Variants in NAALADL2 observed in about 807,000 individuals in gnomAD.
NAALADL2 encodes N-acetylated alpha-linked acidic dipeptidase like 2.
In NAALADL2, 76 loss-of-function variants were observed where a neutral mutation model predicts 87.2. The observed-to-expected ratio is 0.87, with a 90% CI of 0.72 to 1.05. NAALADL2 has a LOEUF of 1.05. Among genes scored for constraint, NAALADL2 ranks in the 50% least tolerant of loss-of-function variants. NAALADL2 has a pLI of 0.00. For synonymous variants in NAALADL2, 354 were observed against 331.0 expected (o/e 1.07, Z -0.75); for missense variants, 1,089 against 945.8 (o/e 1.15, Z -1.99).
chr3:174,810,140 A>G (rs1468967655), intron 3 of NAALADL2, among the ~76,000 whole-genome samples: 1 of 152,200 alleles, frequency 6.6e-6, no homozygotes, highest in Non-Finnish European at 1.5e-5. Context: ...GTATTCCTTT[A>G]TAACAGTGCA....
intron 3 of NAALADL2, among the ~76,000 whole-genome samples, chr3:174,821,245 T>C (rs1721382790): frequency 1.3e-5 from 2 of 152,132 alleles, no homozygotes; most frequent in Admixed American, 1.3e-4. Context: ...CCTATTACAT[T>C]AGGAAATATA....
At chr3:175,614,821 A>AT (rs1436624125) in intron 10 of NAALADL2, among the ~76,000 whole-genome samples, 1 of 152,194 alleles carries the variant, frequency 6.6e-6, no homozygotes, top group Admixed American at 6.5e-5. Context: ...CTGAAAATCA[A>AT]TTTTTTTAAT....
intron 4 of NAALADL2, among the ~76,000 whole-genome samples, chr3:175,262,016 AGCATTATTT>A (rs1751127001): frequency 6.6e-6 from 1 of 152,108 alleles, no homozygotes; most frequent in African/African-American, 2.4e-5. Context: ...ACGGAGGAGT[AGCATTATTT>A]AAAGAAAAGC....
At chr3:174,743,443 T>C (rs531386391) in intron 3 of NAALADL2, among the ~76,000 whole-genome samples, 58 of 151,818 alleles carry the variant, frequency 3.8e-4, no homozygotes, top group Non-Finnish European at 5.3e-4. Flanking sequence ...ATAGTTTTAC[T>C]AAATAAATAA....
chr3:175,326,136 A>G (rs1023650315), intron 5 of NAALADL2, among the ~76,000 whole-genome samples: 1 of 152,194 alleles, frequency 6.6e-6, no homozygotes, highest in African/African-American at 2.4e-5. Flanking sequence ...AACTTCATTT[A>G]TTGTTTTTAA....
intron 3 of NAALADL2, among the ~76,000 whole-genome samples, chr3:174,750,146 A>C (rs1734679725): frequency 1.3e-5 from 2 of 152,320 alleles, no homozygotes; most frequent in South Asian, 4.2e-4. Context: ...CATACATGCA[A>C]ATACAGACTT....
At chr3:174,876,487 T>C (rs997965437) in intron 1 of NAALADL2, among the ~76,000 whole-genome samples, 4 of 152,212 alleles carry the variant, frequency 2.6e-5, no homozygotes, top group Non-Finnish European at 5.9e-5. Context: ...ATATTTGTAA[T>C]GGTAGAATTA....
intron 2 of NAALADL2, among the ~76,000 whole-genome samples, chr3:175,175,515 G>A (rs948093514): frequency 4.6e-5 from 7 of 151,766 alleles, no homozygotes; most frequent in South Asian, 2.1e-4. Flanking sequence ...CCTGTTGTCC[G>A]TGTAAATTTC....
intron 1 of NAALADL2, among the ~76,000 whole-genome samples, chr3:174,539,694 T>C (rs1288246197): frequency 6.6e-6 from 1 of 152,140 alleles, no homozygotes; most frequent in Non-Finnish European, 1.5e-5. Context: ...AGGCACAGAA[T>C]AGTATATCAG....
Position 175,471,626 on chromosome 3 carries a change from TTTG to T in NAALADL2, c.1534-10_1534-8del, listed in dbSNP as rs766379768. Reference sequence around the variant, plus strand: ...TGTCTTACAGATAGATCCTTTTTTTTTTGTTATTTCAGGATTTCAAGAAGGTTC... The same window carrying T: ...TGTCTTACAGATAGATCCTTTTTTTTTTATTTCAGGATTTCAAGAAGGTTC... On this transcript the variant is annotated splice_polypyrimidine_tract_variant and intron_variant, in intron 8 of 13. Transcript: ENST00000454872. 3.7e-6 allele frequency: 5 copies of T among 1,368,886 alleles called. No homozygotes were observed. In the East Asian group the frequency reaches 9.4e-5, roughly 26 times the overall value. 84.8% of individuals were successfully genotyped at this position (1,368,886 alleles called of 1,614,324 possible). A position where few individuals can be genotyped will look rare whatever the true frequency, so the allele number is the denominator to read the frequency against.
chr3:175,672,931 G>T (rs1560953339), intron 11 of NAALADL2, among the ~76,000 whole-genome samples: 3 of 151,946 alleles, frequency 2.0e-5, no homozygotes, highest in African/African-American at 7.3e-5. Flanking sequence ...CAAATTATCA[G>T]GTTCAAACTC....
rs74557309 is a variant in NAALADL2, at chr3:175,326,019, T to A, written c.1090+1694T>A. 7.7e-4 allele frequency among the ~76,000 whole-genome samples: 118 copies of A among 152,358 alleles called. No homozygotes were observed. In the East Asian group the frequency reaches 0.012, roughly 15 times the overall value. ...GTTCTACTTCTCTTTTAATTAAAAA[T>A]TCCATTTTAAAACATTTTTCACTTC... is the stretch of plus-strand genomic sequence containing the variant. On this transcript the variant is annotated intron_variant, in intron 5 of 13. Transcript: ENST00000454872.
intron 2 of NAALADL2, among the ~76,000 whole-genome samples, chr3:174,556,008 T>C (rs199866426): frequency 0.24 from 22,536 of 94,336 alleles, 2,019 homozygotes; most frequent in African/African-American, 0.41. Flanking sequence ...TGTGTGTGTG[T>C]GCGCGCACGT....
chr3:175,771,799 C>G (rs560229218), intron 13 of NAALADL2, among the ~76,000 whole-genome samples: 49 of 152,176 alleles, frequency 3.2e-4, no homozygotes, highest in African/African-American at 1.0e-3. Flanking sequence ...AAGATATACC[C>G]AAGACTGGGT....
chr3:175,494,263 C>G (rs1728506688), intron 9 of NAALADL2, among the ~76,000 whole-genome samples: 1 of 151,950 alleles, frequency 6.6e-6, no homozygotes, highest in Non-Finnish European at 1.5e-5. Flanking sequence ...GTGATGTCTA[C>G]ATATTTTGAA....
At chr3:174,551,879 G>A (rs1712168151) in intron 2 of NAALADL2, among the ~76,000 whole-genome samples, 2 of 152,168 alleles carry the variant, frequency 1.3e-5, no homozygotes, top group East Asian at 3.9e-4. Flanking sequence ...GGCTGATGTG[G>A]TGGAAGGAAC....
In NAALADL2 at chr3:175,571,651, A is replaced by AG. The variant is rs1294860588; in HGVS notation, c.1654-4389dup. Among the ~76,000 whole-genome samples the AG allele has an allele frequency of 3.9e-5, 6 of 152,312 alleles. No individual in the cohort carries two copies. In the South Asian group the frequency reaches 1.2e-3, roughly 32 times the overall value. Reference sequence around the variant, plus strand: ...AACTATTCACATTAGGATTGAATATAGATTTACAATCACTGCAGGTCTGTG... The same window carrying AG: ...AACTATTCACATTAGGATTGAATATAGGATTTACAATCACTGCAGGTCTGTG... On this transcript the variant is annotated intron_variant, in intron 9 of 13. Coordinates refer to ENST00000454872, the MANE Select transcript of NAALADL2 (RefSeq NM_207015.3).
intron 3 of NAALADL2, among the ~76,000 whole-genome samples, chr3:174,756,046 C>A (rs752363004): frequency 9.2e-5 from 14 of 152,190 alleles, no homozygotes; most frequent in Non-Finnish European, 2.1e-4. Flanking sequence ...GAAACACACA[C>A]ATTACTATCA....
chr3:175,118,010 C>A (rs568196375), intron 2 of NAALADL2, among the ~76,000 whole-genome samples: 43 of 152,042 alleles, frequency 2.8e-4, no homozygotes, highest in Non-Finnish European at 5.4e-4. Context: ...CAAACTATTG[C>A]AAGGACAGAA....
Sources: allele counts gnomAD v4.1 joint callset (sites outside exome capture counted in the v4.1 genomes callset), GRCh38; gene constraint gnomAD v4.1.1; transcripts MANE v1.5; gene names NCBI Gene and HGNC (gene_info 2026-07-23, HGNC 2026-07-21).